The following CHSY1 variants were observed in gnomAD, a reference collection of about 807,000 sequenced individuals.
The protein encoded by CHSY1 is N-acetylgalactosaminyl-proteoglycan 3-beta-glucuronosyltransferase 1.
Under a neutral mutation model 59.8 loss-of-function variants are expected in CHSY1, and 13 were observed. The observed-to-expected ratio is 0.22, with a 90% CI of 0.14 to 0.35. The LOEUF (loss-of-function observed/expected upper bound fraction) is 0.35. Among genes scored for constraint, CHSY1 ranks in the 10% least tolerant of loss-of-function variants. The pLI is 1.00. For synonymous variants in CHSY1, 459 were observed against 401.2 expected, an observed-to-expected ratio of 1.14 and a Z score of -1.72; for missense variants, 947 against 1,030.6, an observed-to-expected ratio of 0.92 and a Z score of 1.11.
intron 1 of CHSY1, among the ~76,000 whole-genome samples, chr15:101,245,251 A>G (rs1406363657): frequency 6.6e-6 from 1 of 152,114 alleles, no homozygotes; most frequent in Non-Finnish European, 1.5e-5. Flanking sequence ...CCTAGCCCCA[A>G]AGAGCTGGCC....
At chr15:101,191,440 G>C (rs948726483) in intron 2 of CHSY1, among the ~76,000 whole-genome samples, 6 of 152,204 alleles carry the variant, frequency 3.9e-5, no homozygotes, top group African/African-American at 1.4e-4. Context: ...TGACCAGGCA[G>C]ATCACAGAGG....
chr15:101,232,208 C>T (rs1422351881), intron 2 of CHSY1, among the ~76,000 whole-genome samples: 1 of 152,120 alleles, frequency 6.6e-6, no homozygotes, highest in Non-Finnish European at 1.5e-5. Context: ...AAAATAAGTA[C>T]CTTCCAAGTC....
chr15:101,241,224 G>A (rs955025988), intron 1 of CHSY1, among the ~76,000 whole-genome samples: 4 of 152,168 alleles, frequency 2.6e-5, no homozygotes, highest in African/African-American at 4.8e-5. Context: ...CCGAGTAGCT[G>A]GGATTACAGG....
chr15:101,196,535 T>C (rs1421061410), intron 2 of CHSY1, among the ~76,000 whole-genome samples: 2 of 152,188 alleles, frequency 1.3e-5, no homozygotes, highest in African/African-American at 2.4e-5. Context: ...GTATAACTCA[T>C]GTCAAACTAA....
chr15:101,228,118 G>C (rs1474516607), intron 2 of CHSY1, among the ~76,000 whole-genome samples: 1 of 151,980 alleles, frequency 6.6e-6, no homozygotes. Flanking sequence ...TTATGGAGTT[G>C]AAAAGTACAA....
intron 2 of CHSY1, among the ~76,000 whole-genome samples, chr15:101,184,045 T>G (rs1302171082): frequency 6.6e-6 from 1 of 152,242 alleles, no homozygotes; most frequent in Non-Finnish European, 1.5e-5. Context: ...CAAATGTGAC[T>G]GCACACTTTA....
At chr15:101,184,730 G>C (rs958580070) in intron 2 of CHSY1, among the ~76,000 whole-genome samples, 1 of 152,152 alleles carries the variant, frequency 6.6e-6, no homozygotes, top group Non-Finnish European at 1.5e-5. Context: ...ATGCTTGGGG[G>C]AGGGAGCACC....
At chr15:101,225,444 C>T (rs911376798) in intron 2 of CHSY1, among the ~76,000 whole-genome samples, 4 of 152,188 alleles carry the variant, frequency 2.6e-5, no homozygotes, top group South Asian at 2.1e-4. Context: ...TACTTGTCCC[C>T]ACCCATATCT....
chr15:101,183,477 G>A (rs2038308903), intron 2 of CHSY1, among the ~76,000 whole-genome samples: 1 of 152,164 alleles, frequency 6.6e-6, no homozygotes, highest in Admixed American at 6.5e-5. Context: ...TCTCAGTGTA[G>A]AATTCTCTTC....
intron 2 of CHSY1, among the ~76,000 whole-genome samples, chr15:101,228,827 T>C (rs914663150): frequency 1.3e-5 from 2 of 152,216 alleles, no homozygotes; most frequent in Non-Finnish European, 2.9e-5. Context: ...AAAAAGGGTA[T>C]AAATGTATTT....
intron 2 of CHSY1, among the ~76,000 whole-genome samples, chr15:101,208,488 G>A (rs112157457): frequency 2.5e-4 from 38 of 152,230 alleles, no homozygotes; most frequent in Middle Eastern, 3.4e-3. Context: ...CAAGGCGGGT[G>A]GATCATTTGA....
intron 1 of CHSY1, among the ~76,000 whole-genome samples, chr15:101,238,770 A>T (rs927307641): frequency 5.9e-5 from 9 of 152,224 alleles, no homozygotes; most frequent in East Asian, 5.8e-4. Context: ...TTCAGCCCAG[A>T]CATTCATTCC....
intron 2 of CHSY1, among the ~76,000 whole-genome samples, chr15:101,213,928 A>C (rs1321919494): frequency 6.6e-6 from 1 of 152,252 alleles, no homozygotes; most frequent in Non-Finnish European, 1.5e-5. Context: ...AAAATACAAG[A>C]ATGTGGCAAA....
chr15:101,205,033 CAG>C (rs2141256403), intron 2 of CHSY1, among the ~76,000 whole-genome samples: 1 of 152,298 alleles, frequency 6.6e-6, no homozygotes, highest in South Asian at 2.1e-4. Flanking sequence ...GTATGGCTAA[CAG>C]ATTTCTAAAC....
chr15:101,186,707 G>C (rs933381273), intron 2 of CHSY1: 1 of 152,224 alleles, frequency 6.6e-6, no homozygotes, highest in Non-Finnish European at 1.5e-5. Flanking sequence ...AGGAGGCTGA[G>C]GGGGGAGGAT....
chr15:101,242,460 CTG>C (rs1356552505), intron 1 of CHSY1: 3 of 152,276 alleles, frequency 2.0e-5, no homozygotes, highest in African/African-American at 7.2e-5. Context: ...AGTCACGAGA[CTG>C]TGTCCTACTG....
At chr15:101,249,993 T>C (rs1013457391) in intron 1 of CHSY1, among the ~76,000 whole-genome samples, 3 of 152,176 alleles carry the variant, frequency 2.0e-5, no homozygotes, top group Non-Finnish European at 4.4e-5. Context: ...TCTCAGTCCT[T>C]TACTTTCTCC....
rs193176744 is a variant in CHSY1 at position 101,176,570 on chromosome 15, C to G, written c.*818G>C. On this transcript the variant is annotated 3_prime_UTR_variant, in exon 3 of 3. Transcript: ENST00000254190. ...CACATACCTCACTGTGCCTTCTTCA[C>G]GCCCCTTGCTTTAAAACCTACGTGG... 1.8e-5 allele frequency: 7 copies of G among 395,346 alleles called. No homozygotes were observed. In the South Asian group the frequency reaches 4.3e-4, roughly 24 times the overall value. 24.5% of individuals were successfully genotyped at this position (395,346 alleles called of 1,614,324 possible). A position where few individuals can be genotyped will look rare whatever the true frequency, so the allele number is the denominator to read the frequency against.
chr15:101,176,318 A>T lies in CHSY1; in HGVS notation c.*1070T>A. ...TCTCCACCCACATAACACAGACAGGATGAAAGGAACAAAACCAAATACATT... is the reference window on the plus strand; with the variant it reads ...TCTCCACCCACATAACACAGACAGGTTGAAAGGAACAAAACCAAATACATT... On this transcript the variant is annotated 3_prime_UTR_variant, in exon 3 of 3. Transcript: ENST00000254190. 2.5e-6 allele frequency: 1 copy of T among 398,604 alleles called. No homozygotes were observed. Among genetic ancestry groups the T allele is most frequent in the Non-Finnish European group, 4.4e-6 (1 of 226,054 alleles). 24.7% of individuals were successfully genotyped at this position (398,604 alleles called of 1,614,324 possible).
Sources: allele counts gnomAD v4.1 joint callset (sites outside exome capture counted in the v4.1 genomes callset), GRCh38; gene constraint gnomAD v4.1.1; transcripts MANE v1.5; gene names NCBI Gene and HGNC (gene_info 2026-07-23, HGNC 2026-07-21).